MYO16: variants seen among roughly 807,000 people sequenced by gnomAD.
MYO16 encodes the protein unconventional myosin-XVI.
Under a neutral mutation model 205.3 loss-of-function variants are expected in MYO16, and 94 were observed. The ratio of observed to expected loss-of-function variants is 0.46; its 90% CI spans 0.39 to 0.54. MYO16 has a LOEUF of 0.54. MYO16 is among the 20% of genes least tolerant of loss of function. The pLI is 0.00. For missense variants in MYO16, 2,315 were observed against 2,387.5 expected, an observed-to-expected ratio of 0.97 and a Z score of 0.63; for synonymous variants, 988 against 954.0, an observed-to-expected ratio of 1.04 and a Z score of -0.66.
chr13:108,542,161 A>G, the MYO16 span, among the ~76,000 whole-genome samples: 2 of 152,140 alleles, frequency 1.3e-5, no homozygotes, highest in Admixed American at 1.3e-4. Flanking sequence ...AGATCATGCC[A>G]TTTGCAGGAA....
intron 16 of MYO16, among the ~76,000 whole-genome samples, chr13:108,947,344 T>G (rs1346143581): frequency 1.3e-5 from 2 of 152,122 alleles, no homozygotes; most frequent in Admixed American, 6.5e-5. Flanking sequence ...CGCGCTGCCC[T>G]CTTCCTGTAC....
chr13:108,765,981 A>C (rs1363688435), intron 4 of MYO16, among the ~76,000 whole-genome samples: 3 of 152,230 alleles, frequency 2.0e-5, no homozygotes, highest in African/African-American at 2.4e-5. Flanking sequence ...GACCATAAAA[A>C]TGTGTCATCA....
At chr13:108,615,701 G>A (rs1466056786) in intron 1 of MYO16, among the ~76,000 whole-genome samples, 2 of 152,042 alleles carry the variant, frequency 1.3e-5, no homozygotes, top group African/African-American at 4.8e-5. Context: ...AGACACAAAA[G>A]GCCACATATG....
intron 7 of MYO16, among the ~76,000 whole-genome samples, chr13:108,807,768 G>A (rs1357814356): frequency 6.6e-6 from 1 of 152,180 alleles, no homozygotes; most frequent in Non-Finnish European, 1.5e-5. Context: ...AATTAATGGG[G>A]AGGAGCAGAA....
At chr13:108,647,103 T>G (rs1423930078) in intron 1 of MYO16, among the ~76,000 whole-genome samples, 2 of 152,172 alleles carry the variant, frequency 1.3e-5, no homozygotes, top group Non-Finnish European at 2.9e-5. Flanking sequence ...TTTATTCTTG[T>G]CACTGCAGTT....
At chr13:108,684,705 A>C (rs1882602726) in intron 2 of MYO16, among the ~76,000 whole-genome samples, 1 of 152,130 alleles carries the variant, frequency 6.6e-6, no homozygotes, top group Non-Finnish European at 1.5e-5. Context: ...ACTTTGGAGG[A>C]GGAAGAGAAG....
chr13:108,520,048 T>G, the MYO16 span, among the ~76,000 whole-genome samples: 1 of 152,328 alleles, frequency 6.6e-6, no homozygotes, highest in Non-Finnish European at 1.5e-5. Flanking sequence ...GCATTTTCGC[T>G]GAGAAAATAA....
chr13:109,045,999 C>T (rs454455), intron 23 of MYO16, among the ~76,000 whole-genome samples: 5,014 of 151,694 alleles, frequency 0.033, 128 homozygotes, highest in South Asian at 0.056. Context: ...TTCTCCCTCA[C>T]GGCGGATGCT....
intron 33 of MYO16, among the ~76,000 whole-genome samples, chr13:109,171,249 A>G (rs1203092448): frequency 1.3e-5 from 2 of 152,240 alleles, no homozygotes; most frequent in Admixed American, 1.3e-4. Context: ...TTGAACAAAC[A>G]TTACACATGT....
chr13:108,504,002 T>A, the MYO16 span, among the ~76,000 whole-genome samples: 5 of 152,224 alleles, frequency 3.3e-5, no homozygotes, highest in Admixed American at 6.5e-5. Flanking sequence ...TCAGTTTTTT[T>A]AAATTGTGGT....
At chr13:109,073,231 A>C (rs1485617069) in intron 27 of MYO16, among the ~76,000 whole-genome samples, 1 of 151,346 alleles carries the variant, frequency 6.6e-6, no homozygotes, top group African/African-American at 2.4e-5. Flanking sequence ...CATCCCGAGT[A>C]GCTAGGATTA....
At chr13:109,181,862 C>T (rs1249688288) in intron 34 of MYO16, among the ~76,000 whole-genome samples, 8 of 150,724 alleles carry the variant, frequency 5.3e-5, no homozygotes, top group Admixed American at 5.3e-4. Context: ...CTCTTGTTGC[C>T]CAGGCTGGAG....
At chr13:109,024,030 ATATATT>A (rs1269412907) in intron 23 of MYO16, among the ~76,000 whole-genome samples, 2 of 144,774 alleles carry the variant, frequency 1.4e-5, no homozygotes, top group African/African-American at 2.5e-5. Flanking sequence ...ATGTGTATGT[ATATATT>A]TATATTTATA....
At chr13:108,869,566 T>C (rs913430938) in intron 12 of MYO16, among the ~76,000 whole-genome samples, 4 of 56,630 alleles carry the variant, frequency 7.1e-5, no homozygotes, top group African/African-American at 2.7e-4. Context: ...CTACTAAAAA[T>C]ACAAAAAAAA....
intron 23 of MYO16, among the ~76,000 whole-genome samples, chr13:109,040,240 GT>G (rs1259095391): frequency 5.3e-5 from 8 of 151,852 alleles, no homozygotes; most frequent in Non-Finnish European, 1.0e-4. Flanking sequence ...TCTACCAAAT[GT>G]TTTAAGGAAA....
chr13:108,832,468 C>A (rs567716259), intron 9 of MYO16, among the ~76,000 whole-genome samples: 1 of 152,032 alleles, frequency 6.6e-6, no homozygotes, highest in South Asian at 2.1e-4. Context: ...GTCCTGAATA[C>A]CTCTTTTTCA....
In MYO16 at chr13:109,055,567, C is replaced by T. The variant is rs754699781; in HGVS notation, c.3307C>T (p.Arg1103Cys). 6.2e-6 allele frequency: 10 copies of T among 1,611,754 alleles called. No individual in the cohort carries two copies. The highest frequency in any genetic ancestry group is 2.2e-5 in the South Asian group (2 of 91,068). The change falls in exon 27 of 35, where the codon CGC becomes TGC. Residue 1103 changes from arginine to cysteine, a missense_variant. Arg to Cys is a radical substitution (Grantham distance 180). Transcript: ENST00000457511. This position sits in a 1 kb window ranked among gnomAD's most constrained non-coding sequence, Gnocchi z 5.0. ...VKIFRYGYPV[R>C]LSFSDFLSRY... ...GATCTTCCGATATGGATACCCTGTTCGCCTTTCCTTCTCGGATTTCCTGTC... is the reference window on the plus strand; with the variant it reads ...GATCTTCCGATATGGATACCCTGTTTGCCTTTCCTTCTCGGATTTCCTGTC...
rs1882327208 is a variant in MYO16, at chr13:108,678,529, C to CT, written c.292+12385dup. 1.3e-5 allele frequency among the ~76,000 whole-genome samples: 2 copies of CT among 152,180 alleles called. 1 individual carries two copies. The highest frequency in any genetic ancestry group is 4.8e-5 in the African/African-American group (2 of 41,446). ...GTCTCTTGAAAACACCCCTACCAGG[C>CT]TTTTTCCCAGTGATTCCACCAAACC... On this transcript the variant is annotated intron_variant, in intron 2 of 34. Coordinates refer to ENST00000457511, the MANE Select transcript of MYO16 (RefSeq NM_001198950.3).
chr13:108,502,065 T>C, the MYO16 span, among the ~76,000 whole-genome samples: 1 of 152,016 alleles, frequency 6.6e-6, no homozygotes, highest in African/African-American at 2.4e-5. Context: ...TACAAAAAAT[T>C]AGCTGGGTGT....
Sources: gnomAD v4.1 joint callset for allele counts (sites outside exome capture counted in the v4.1 genomes callset) on GRCh38, gnomAD v4.1.1 for gene constraint, Gnocchi (gnomAD v3.1) non-coding constraint, MANE v1.5 for transcripts, NCBI Gene and HGNC (gene_info 2026-07-23, HGNC 2026-07-21) for gene names.